STK31: variants seen among roughly 807,000 people sequenced by gnomAD.
STK31 encodes serine/threonine kinase 31, also known as serine/threonine-protein kinase 31.
Under a neutral mutation model 129.7 loss-of-function variants are expected in STK31, and 89 were observed. That is an observed-to-expected ratio of 0.69 (90% confidence interval 0.58 to 0.82). STK31 has a LOEUF of 0.82. STK31 is among the 40% of genes least tolerant of loss of function. The pLI, the probability that STK31 is intolerant of heterozygous loss-of-function variation, is 0.00. For synonymous variants in STK31, 448 were observed against 395.3 expected (o/e 1.13, Z -1.58); for missense variants, 1,187 against 1,176.4 (o/e 1.01, Z -0.13).
intron 8 of STK31, among the ~76,000 whole-genome samples, chr7:23,746,160 G>C (rs1788338790): frequency 1.3e-5 from 2 of 152,304 alleles, no homozygotes; most frequent in Admixed American, 6.5e-5. Flanking sequence ...TAGTTGCTTA[G>C]GATTGGGGGG....
At chr7:23,754,617 T>C in intron 10 of STK31, 143 bp downstream of exon 10, 1 of 857,928 alleles carries the variant, frequency 1.2e-6, no homozygotes, top group Non-Finnish European at 1.7e-6. Context: ...CCGTGGTAGT[T>C]TGCTGCACCT....
At chr7:23,797,548 G>A (rs1792051632) in intron 22 of STK31, among the ~76,000 whole-genome samples, 1 of 152,122 alleles carries the variant, frequency 6.6e-6, no homozygotes, top group African/African-American at 2.4e-5. Context: ...AAATAAATAA[G>A]TTCTTTGAAA....
intron 10 of STK31, among the ~76,000 whole-genome samples, chr7:23,755,581 A>G (rs1051148892): frequency 3.9e-5 from 6 of 152,174 alleles, no homozygotes; most frequent in Admixed American, 2.0e-4. Context: ...GCCCATGCCT[A>G]TGTCCTGAAC....
chr7:23,810,933 G>GTA (rs1360808144), intron 22 of STK31, among the ~76,000 whole-genome samples: 2 of 104,566 alleles, frequency 1.9e-5, no homozygotes, highest in East Asian at 2.2e-4. Flanking sequence ...ATATGTGTGT[G>GTA]TGTATATACA....
chr7:23,728,870 TTAAC>T (rs1196712322), intron 5 of STK31, among the ~76,000 whole-genome samples: 2 of 152,210 alleles, frequency 1.3e-5, no homozygotes, highest in African/African-American at 2.4e-5. Flanking sequence ...CTGTTGGAAT[TTAAC>T]TAGTAACAAG....
rs943856852 is a variant in STK31, at chr7:23,721,861, T to A, written c.249+4282T>A. 3 of 468,874 alleles carry A rather than the reference T, an allele frequency of 6.4e-6. 1 individual carries two copies. Among genetic ancestry groups the A allele is most frequent in the South Asian group, 4.1e-5 (2 of 48,782 alleles). The allele number at this position is 468,874 out of a possible 1,614,324, so 29.0% of individuals were successfully genotyped here. On this transcript the variant is annotated intron_variant, in intron 4 of 23. Coordinates refer to ENST00000355870, the MANE Select transcript of STK31 (RefSeq NM_031414.5). Reference sequence around the variant, plus strand: ...CAGTGATACCCTTTCTTCCACTTGATCAAATCAGCTACTGAAGCTTGTGCA... The same window carrying A: ...CAGTGATACCCTTTCTTCCACTTGAACAAATCAGCTACTGAAGCTTGTGCA...
chr7:23,771,973 T>C lies in STK31; in HGVS notation c.1834-174T>C, dbSNP rs1473369188. 9.3e-6 allele frequency: 4 copies of C among 428,416 alleles called. No homozygotes were observed. The East Asian group carries it at 1.6e-4, about 17-fold the overall frequency. 26.5% of individuals were successfully genotyped at this position (428,416 alleles called of 1,614,324 possible). On this transcript the variant is annotated intron_variant, in intron 14 of 23. Transcript: ENST00000355870. ...ACTGATATTCTTCTAAATAGAAACA[T>C]GGATTAAAAAGGAAATCTATTGAAT...
intron 11 of STK31, among the ~76,000 whole-genome samples, chr7:23,765,024 A>G (rs1472957554): frequency 1.3e-5 from 2 of 151,606 alleles, no homozygotes; most frequent in African/African-American, 4.8e-5. Flanking sequence ...TTAACACTGC[A>G]ACATCTTTTC....
At chr7:23,806,763 G>T (rs1485413172) in intron 22 of STK31, among the ~76,000 whole-genome samples, 1 of 152,124 alleles carries the variant, frequency 6.6e-6, no homozygotes. Context: ...AGCCGGGCGT[G>T]TTGGCTGGCA....
chr7:23,785,940 A>C (rs1234643678), intron 18 of STK31, among the ~76,000 whole-genome samples: 1 of 152,152 alleles, frequency 6.6e-6, no homozygotes, highest in East Asian at 1.9e-4. Context: ...ACATGTATAC[A>C]TATGTAACAA....
At position 23,770,654 on chromosome 7, in the gene STK31, G is replaced by A. The variant is rs905500685; in HGVS notation, c.1714-351G>A. Among the ~76,000 whole-genome samples, 6 of 151,498 alleles carry A rather than the reference G, an allele frequency of 4.0e-5. 1 individual carries two copies. The highest frequency in any genetic ancestry group is 4.2e-4 in the South Asian group (2 of 4,818). Reference sequence around the variant, plus strand: ...TAGAGAGACAGTGTCTTGCTCTGTCGCCCAGGCTGGAGTGCATTGATGTGA... The same window carrying A: ...TAGAGAGACAGTGTCTTGCTCTGTCACCCAGGCTGGAGTGCATTGATGTGA... On this transcript the variant is annotated intron_variant, in intron 13 of 23. Transcript: ENST00000355870.
chr7:23,767,853 A>G (rs920324053), intron 11 of STK31, among the ~76,000 whole-genome samples: 1 of 152,076 alleles, frequency 6.6e-6, no homozygotes, highest in African/African-American at 2.4e-5. Flanking sequence ...CTAAACACCA[A>G]CCATCCTCTG....
Position 23,823,458 on chromosome 7 carries a change from T to C in STK31, c.2829+8246T>C, listed in dbSNP as rs549187547. Among the ~76,000 whole-genome samples the C allele has an allele frequency of 3.6e-3, 543 of 152,348 alleles. 4 individuals are homozygous for C. Among genetic ancestry groups the C allele is most frequent in the African/African-American group, 0.012 (515 of 41,570 alleles). ...TTGATGGGGTTGTTTGTTTTTTTCT[T>C]GTAAATTTGTTTGAGTTCATTGTAG... On this transcript the variant is annotated intron_variant, in intron 23 of 23. Transcript: ENST00000355870.
At chr7:23,824,499 C>T (rs1793987056) in intron 23 of STK31, among the ~76,000 whole-genome samples, 1 of 152,130 alleles carries the variant, frequency 6.6e-6, no homozygotes, top group Non-Finnish European at 1.5e-5. Context: ...AGATTTTGGG[C>T]TGAGATGATG....
In STK31 at chr7:23,766,624, A is replaced by C. The variant is rs528325740; in HGVS notation, c.1417-2371A>C. Reference sequence around the variant, plus strand: ...GATCTTTTTTCCCTCTGGAAGTTTTAAAATTTTCTCTTGACTTTGTTCTTA... The same window carrying C: ...GATCTTTTTTCCCTCTGGAAGTTTTCAAATTTTCTCTTGACTTTGTTCTTA... On this transcript the variant is annotated intron_variant, in intron 11 of 23. Coordinates refer to ENST00000355870, the MANE Select transcript of STK31 (RefSeq NM_031414.5). 2.4e-3 allele frequency among the ~76,000 whole-genome samples: 360 copies of C among 152,208 alleles called. 2 individuals carry two copies. The highest frequency in any genetic ancestry group is 8.4e-3 in the African/African-American group (348 of 41,532).
chr7:23,773,226 A>G (rs973473743), intron 15 of STK31, among the ~76,000 whole-genome samples: 2 of 151,862 alleles, frequency 1.3e-5, no homozygotes, highest in Non-Finnish European at 2.9e-5. Flanking sequence ...CCAGTGTGTG[A>G]TGTTCCCCTC....
chr7:23,805,356 G>A (rs553961869), intron 22 of STK31, among the ~76,000 whole-genome samples: 11 of 152,286 alleles, frequency 7.2e-5, no homozygotes, highest in Middle Eastern at 6.8e-3. Context: ...GATTACAGGC[G>A]TGAGCCACCA....
At position 23,814,146 on chromosome 7, in the gene STK31, C is replaced by CTTT. The variant is rs71552259; in HGVS notation, c.2761-996_2761-995insTTT. Among the ~76,000 whole-genome samples, 15 of 98,936 alleles carry CTTT rather than the reference C, an allele frequency of 1.5e-4. 3 individuals carry two copies. Among genetic ancestry groups the CTTT allele is most frequent in the Admixed American group, 1.1e-3 (8 of 7,580 alleles). The allele number at this position is 98,936 out of a possible 152,430, so 64.9% of individuals were successfully genotyped here. ...GTTGGGAAACATCAGATCTGGCTCA[C>CTTT]TTATTTTTTTTTTTTTTTCAGTTGG... On this transcript the variant is annotated intron_variant, in intron 22 of 23. Coordinates refer to ENST00000355870, the MANE Select transcript of STK31 (RefSeq NM_031414.5).
intron 22 of STK31, among the ~76,000 whole-genome samples, chr7:23,813,078 C>CTTTTTTGTTTT (rs1793242752): frequency 1.1e-5 from 1 of 94,116 alleles, no homozygotes; most frequent in Non-Finnish European, 2.0e-5. Flanking sequence ...GCTCTCTGTT[C>CTTTTTTGTTTT]TTTTTTTTTT....
Sources: gnomAD v4.1 joint callset for allele counts (sites outside exome capture counted in the v4.1 genomes callset) on GRCh38, gnomAD v4.1.1 for gene constraint, MANE v1.5 for transcripts, NCBI Gene and HGNC (gene_info 2026-07-23, HGNC 2026-07-21) for gene names.